DALRD3: variants seen among roughly 807,000 people sequenced by gnomAD.
The protein encoded by DALRD3 is DALR anticodon binding domain containing 3.
A neutral mutation model predicts 56.7 loss-of-function variants in DALRD3; 47 were observed. The ratio of observed to expected loss-of-function variants is 0.83; its 90% CI spans 0.66 to 1.06. DALRD3 has a LOEUF of 1.06. Among genes scored for constraint, DALRD3 ranks in the 50% least tolerant of loss-of-function variants. The probability of loss-of-function intolerance (pLI) is 0.00; values close to 1 mark genes in which losing one functional copy is unlikely to be tolerated. For missense variants in DALRD3, 787 were observed against 724.0 expected (o/e 1.09, Z -1.00); for synonymous variants, 347 against 308.5 (o/e 1.12, Z -1.31).
chr3:49,020,508 C>A, upstream of DALRD3: 1 of 416,040 alleles, frequency 2.4e-6, no homozygotes. Flanking sequence ...CCCACGTCTA[C>A]ACCCATCACC....
chr3:49,017,868 C>T lies in DALRD3; in HGVS notation c.463G>A (p.Val155Met), dbSNP rs1432678106. 5.6e-6 allele frequency: 9 copies of T among 1,595,128 alleles called. No individual in the cohort carries two copies. Among genetic ancestry groups the T allele is most frequent in the Non-Finnish European group, 7.6e-6 (9 of 1,177,160 alleles). ...HLARALRAHGVCVRLVPAVRD... is the reference protein window; with the variant it reads ...HLARALRAHGMCVRLVPAVRD... ...ACAGCTGGCACTAGGCGCACGCACA[C>T]CCTGCGAAGGGAGGGCGGCCGCCTC... Residue 155 changes from valine to methionine, a missense_variant and splice_region_variant, in exon 3 of 12, where the codon GTG (valine) becomes ATG (methionine). Coordinates refer to ENST00000341949, the MANE Select transcript of DALRD3 (RefSeq NM_001009996.3).
chr3:49,015,756 T>C (rs2093055240), intron 11 of DALRD3, 48 bp downstream of exon 11: 1 of 1,614,056 alleles, frequency 6.2e-7, no homozygotes, highest in Middle Eastern at 1.6e-4. Context: ...CCTTTGCCTT[T>C]ACCCTATACC....
chr3:49,020,950 G>A (rs1487701395), upstream of DALRD3: 14 of 173,544 alleles, frequency 8.1e-5, no homozygotes. Context: ...GTCCCACGAA[G>A]CCTGGGCCAC....
At chr3:49,016,372 A>T (rs746133483) in intron 8 of DALRD3, 32 bp from the exon 9 acceptor site, 7 of 1,603,294 alleles carry the variant, frequency 4.4e-6, no homozygotes, top group Non-Finnish European at 6.0e-6. Flanking sequence ...GCAGAGAGAG[A>T]AGGCAGCCAC....
rs1290451767 is a variant in DALRD3, at chr3:49,017,792, G to A, written c.539C>T (p.Pro180Leu). 1.9e-6 allele frequency: 3 copies of A among 1,613,228 alleles called. No homozygotes were observed. The highest frequency in any genetic ancestry group is 3.3e-4 in the Middle Eastern group (2 of 6,084). ...TFLQQLRVDW[P>L]AASERASSHT... ...GGAGGAAGCTCTCTCCGAGGCAGCG[G>A]GCCAGTCCACCCGCAGTTGCTGCAG... Residue 180 changes from proline (P) to leucine (L), a missense_variant, in exon 3 of 12, where the codon CCC (proline) becomes CTC (leucine). Coordinates refer to ENST00000341949, the MANE Select transcript of DALRD3 (RefSeq NM_001009996.3).
chr3:49,020,751 C>A, upstream of DALRD3: 1 of 454,078 alleles, frequency 2.2e-6, no homozygotes, highest in Admixed American at 2.4e-5. Context: ...GGTCACTCGC[C>A]CTGGGGCCAC....
In DALRD3 at chr3:49,018,073, C is replaced by T; in HGVS notation, c.411G>A (p.Leu137=). The change falls in exon 2 of 12, where the codon CTG becomes CTA. Residue 137 remains leucine (L), a synonymous_variant. Transcript: ENST00000341949. The part of the protein sequence containing the change: ...SSPCALRLSQ[L]RTVLVADHLA... Reference sequence around the variant, plus strand: ...GGTGATCGGCCACGAGCACCGTACGCAGCTGGCTCAAGCGGAGTGCGCAGG... The same window carrying T: ...GGTGATCGGCCACGAGCACCGTACGTAGCTGGCTCAAGCGGAGTGCGCAGG... 6.7e-7 allele frequency: 1 copy of T among 1,491,648 alleles called. No individual in the cohort carries two copies. The allele number at this position is 1,491,648 out of a possible 1,614,324, so 92.4% of individuals were successfully genotyped here. A position where few individuals can be genotyped will look rare whatever the true frequency, so the allele number is the denominator to read the frequency against.
chr3:49,020,338 G>A, upstream of DALRD3: 2 of 456,502 alleles, frequency 4.4e-6, no homozygotes, highest in Middle Eastern at 6.7e-4. Flanking sequence ...CGGTTGGGGT[G>A]GTTTTTCCCC....
Position 49,017,239 on chromosome 3 carries a change from G to C in DALRD3, c.916C>G (p.Pro306Ala), listed in dbSNP as rs760620667. The C allele has an allele frequency of 6.2e-7, 1 of 1,614,192 alleles. No individual in the cohort carries two copies. The highest frequency in any genetic ancestry group is 1.7e-5 in the Admixed American group (1 of 60,022). Reference sequence around the variant, plus strand: ...CATTATTAACCTACCTGTCTGAGTGGAGCCTTGTCAACCAACTTCTGCCAA... The same window carrying C: ...CATTATTAACCTACCTGTCTGAGTGCAGCCTTGTCAACCAACTTCTGCCAA... ...LLWQKLVDKA[P>A]LRQKHLICGP... The change falls in exon 5 of 12, where the codon CCA (proline) becomes GCA (alanine). Residue 306 changes from proline to alanine, a missense_variant. Coordinates refer to ENST00000341949, the MANE Select transcript of DALRD3 (RefSeq NM_001009996.3).
rs1163930676 is a variant in DALRD3, at chr3:49,016,236, G to T, written c.1251C>A (p.Tyr417Ter). ...ACAGACCTTGTTCCATACTACACTT[G>T]TAACTCTCAAAGAGTGTGGCAAGAC... ...CARLATLFES[Y>*]KCSMEQGLYP... is the part of the protein sequence containing the mutation. Residue 417 changes from tyrosine to a stop codon, truncating the protein, a stop_gained, in exon 9 of 12, where the codon TAC becomes TAA. Coordinates refer to ENST00000341949, the MANE Select transcript of DALRD3 (RefSeq NM_001009996.3). LOFTEE classifies it high-confidence loss of function. 1 of 1,614,166 alleles carries T rather than the reference G, an allele frequency of 6.2e-7. No homozygotes were observed. The highest frequency in any genetic ancestry group is 2.2e-5 in the East Asian group (1 of 44,874).
At chr3:49,020,529 G>A (rs561404673), upstream of DALRD3, 19 of 436,408 alleles carry the variant, frequency 4.4e-5, no homozygotes, top group Admixed American at 7.6e-5. Flanking sequence ...TCCAGCCTGA[G>A]GGCGCAACTG....
rs763538951 is a variant in DALRD3 at position 49,018,115 on chromosome 3, T to C, written c.369A>G (p.Pro123=). 6.7e-7 allele frequency: 1 copy of C among 1,482,200 alleles called. No individual in the cohort carries two copies. The highest frequency in any genetic ancestry group is 8.9e-7 in the Non-Finnish European group (1 of 1,125,914). 91.8% of individuals were successfully genotyped at this position (1,482,200 alleles called of 1,614,324 possible). ...SLGQRVLLHC[P]ALRSSPCALR... The stretch of plus-strand genomic sequence containing the variant: ...GTGCGCAGGGGGAGCTGCGCAGTGC[T>C]GGGCAGTGTAGTAAGACGCGCTGGC... The change falls in exon 2 of 12, where the codon CCA becomes CCG. Residue 123 remains proline, a synonymous_variant. Transcript: ENST00000341949.
Position 49,016,301 on chromosome 3 carries a change from C to T in DALRD3, c.1186G>A (p.Gly396Ser). ...ATGACAAAGGTGCCACTCTTTGTGC[C>T]CTTCGTGGAGATACTGCTGTCAGCC... ...ALADSSISTK[G>S]TKSGTFVMYN... The change falls in exon 9 of 12, where the codon GGC becomes AGC. Residue 396 changes from glycine to serine, a missense_variant. Physicochemically the swap from Gly to Ser is moderately conservative, Grantham distance 56. Coordinates refer to ENST00000341949, the MANE Select transcript of DALRD3 (RefSeq NM_001009996.3). The T allele has an allele frequency of 6.2e-7, 1 of 1,611,668 alleles. No homozygotes were observed. The highest frequency in any genetic ancestry group is 8.5e-7 in the Non-Finnish European group (1 of 1,178,038).
At chr3:49,018,907 T>A (rs1312431281), upstream of DALRD3, 1 of 985,362 alleles carries the variant, frequency 1.0e-6, no homozygotes, top group East Asian at 1.1e-4. Flanking sequence ...TTTGTTTTAA[T>A]AACATTTCAT....
chr3:49,018,368 C>T (rs1329553890), intron 1 of DALRD3, 32 bp downstream of exon 1: 2 of 1,529,052 alleles, frequency 1.3e-6, no homozygotes, highest in South Asian at 2.4e-5. Context: ...GCCCATCTCC[C>T]GGCCGCACGG....
chr3:49,017,904 C>A, intron 2 of DALRD3, 35 bp from the exon 3 acceptor site: 1 of 1,575,180 alleles, frequency 6.3e-7, no homozygotes, highest in East Asian at 2.3e-5. Context: ...AGTCTGAGCA[C>A]CTGGTCCAGC....
upstream of DALRD3, chr3:49,019,006 C>A (rs1002658274): frequency 8.1e-6 from 8 of 985,314 alleles, no homozygotes; most frequent in African/African-American, 7.0e-5. Flanking sequence ...TAAAATATCT[C>A]GTTTTAAAAA....
At chr3:49,021,365 A>T (rs2093154998), upstream of DALRD3, 1 of 152,090 alleles carries the variant, frequency 6.6e-6, no homozygotes, top group Non-Finnish European at 1.5e-5. The surrounding 1 kb of genome is among the most constrained non-coding windows in gnomAD (Gnocchi z 4.1). Flanking sequence ...GGGACGGGGG[A>T]CTCCCAGGAC....
At position 49,018,531 on chromosome 3, in the gene DALRD3, G is replaced by A; in HGVS notation, c.34C>T (p.Leu12=). 1 of 1,583,484 alleles carries A rather than the reference G, an allele frequency of 6.3e-7. No homozygotes were observed. Among genetic ancestry groups the A allele is most frequent in the Non-Finnish European group, 8.6e-7 (1 of 1,164,850 alleles). ...CCCAGGGCCGCGTTGAGGGCCCCCA[G>A]CGTCTCCCCGACCCCAAGGCGCCTG... The part of the protein sequence containing the change: ...ATRRLGVGET[L]GALNAALGPG... The change falls in exon 1 of 12, where the codon CTG becomes TTG. Residue 12 remains leucine (L), a synonymous_variant. Coordinates refer to ENST00000341949, the MANE Select transcript of DALRD3 (RefSeq NM_001009996.3).
Sources: gnomAD v4.1 joint callset for allele counts on GRCh38, gnomAD v4.1.1 for gene constraint, Gnocchi (gnomAD v3.1) non-coding constraint, MANE v1.5 for transcripts, NCBI Gene and HGNC (gene_info 2026-07-23, HGNC 2026-07-21) for gene names.